EIF2S3B: variants seen among roughly 807,000 people sequenced by gnomAD.
EIF2S3B encodes the protein eukaryotic translation initiation factor 2 subunit gamma B, also known as eukaryotic translation initiation factor 2 subunit 3B.
EIF2S3B carries 16 observed loss-of-function variants against 26.4 expected under a neutral mutation model. That is an observed-to-expected ratio of 0.61 (90% CI 0.41 to 0.92). The LOEUF is 0.92. Ranked by LOEUF, EIF2S3B falls within the 40% of genes least tolerant of loss-of-function variation. The pLI, the probability that EIF2S3B is intolerant of heterozygous loss-of-function variation, is 0.00. For missense variants in EIF2S3B, 510 were observed against 575.5 expected (o/e 0.89, Z 1.16); for synonymous variants, 183 against 204.4 (o/e 0.90, Z 0.89).
chr12:10,518,899 A>T (rs1475460607), intron 1 of EIF2S3B, among the ~76,000 whole-genome samples: 2 of 152,242 alleles, frequency 1.3e-5, no homozygotes, highest in Admixed American at 6.5e-5. Context: ...GCTCATGGGT[A>T]GGAAGAATCA....
intron 1 of EIF2S3B, among the ~76,000 whole-genome samples, chr12:10,514,203 A>T (rs1342795021): frequency 6.6e-6 from 1 of 151,702 alleles, no homozygotes; most frequent in Admixed American, 6.6e-5. Flanking sequence ...TCTCCCAGAT[A>T]CTCTACTATA....
In EIF2S3B at chr12:10,514,646, T is replaced by C. The variant is rs529109812; in HGVS notation, c.1308+7436T>C. ...TGTTCTTCTTGTGTTTTCTATAACA[T>C]TTAATAGAATTATATCCATCAAGGT... On this transcript the variant is annotated intron_variant, in intron 1 of 1. Transcript: ENST00000322446. Among the ~76,000 whole-genome samples the C allele has an allele frequency of 7.9e-5, 12 of 152,324 alleles. No homozygotes were observed. In the South Asian group the frequency reaches 2.5e-3, roughly 32 times the overall value.
In EIF2S3B at chr12:10,506,260, A is replaced by G. The variant is rs1379075146; in HGVS notation, c.358A>G (p.Thr120Ala). The G allele has an allele frequency of 1.9e-6, 3 of 1,613,044 alleles. No individual in the cohort carries two copies. The East Asian group carries it at 6.7e-5, about 36-fold the overall frequency. Residue 120 changes from threonine (T) to alanine (A), a missense_variant, in exon 1 of 1, where the codon ACC (threonine) becomes GCC (alanine). By Grantham distance (58) the Thr-to-Ala change is moderately conservative. Coordinates refer to ENST00000538173, the MANE Select transcript of EIF2S3B (RefSeq NM_001357734.3). ...TGAGTTTCCTACAGACATTCCAGGA[A>G]CCAAAGGGAACTTCAGATTAGTCAG... is the stretch of plus-strand genomic sequence containing the variant. ...PDEFPTDIPG[T>A]KGNFRLVRHV...
chr12:10,522,304 C>T (rs1359194304), intron 1 of EIF2S3B, among the ~76,000 whole-genome samples: 2 of 152,166 alleles, frequency 1.3e-5, no homozygotes, highest in South Asian at 2.1e-4. Flanking sequence ...CAGTGCACTC[C>T]AGCATTAGTG....
chr12:10,517,788 T>C (rs1258930579), intron 1 of EIF2S3B, among the ~76,000 whole-genome samples: 1 of 152,144 alleles, frequency 6.6e-6, no homozygotes, highest in African/African-American at 2.4e-5. Flanking sequence ...TTGAATGTGT[T>C]CCAGAGATTC....
intron 1 of EIF2S3B, among the ~76,000 whole-genome samples, chr12:10,521,684 A>C (rs750275293): frequency 6.6e-6 from 1 of 152,196 alleles, no homozygotes; most frequent in South Asian, 2.1e-4. Flanking sequence ...GGGTGTAAGG[A>C]AAGAGATGAA....
chr12:10,518,096 G>C (rs376158565), intron 1 of EIF2S3B, among the ~76,000 whole-genome samples: 1 of 152,016 alleles, frequency 6.6e-6, no homozygotes, highest in Non-Finnish European at 1.5e-5. Context: ...TGTTGATTTG[G>C]GGTGGAGAGT....
chr12:10,521,460 T>C (rs2137958290), intron 1 of EIF2S3B, among the ~76,000 whole-genome samples: 1 of 152,202 alleles, frequency 6.6e-6, no homozygotes, highest in African/African-American at 2.4e-5. Context: ...CAAGGTCAAA[T>C]AGCTAGTGAT....
At chr12:10,522,349 A>G (rs1864841256) in intron 1 of EIF2S3B, among the ~76,000 whole-genome samples, 1 of 152,194 alleles carries the variant, frequency 6.6e-6, no homozygotes, top group Admixed American at 6.6e-5. Context: ...AAATATTTAA[A>G]TAAATAAAAA....
downstream of EIF2S3B, among the ~76,000 whole-genome samples, chr12:10,510,926 TACAC>T (rs1278261918): frequency 6.6e-6 from 1 of 152,148 alleles, no homozygotes; most frequent in Admixed American, 6.6e-5. Flanking sequence ...AAAATTTACT[TACAC>T]AAGGAAGTAA....
chr12:10,507,737 T>C lies in EIF2S3B; in HGVS notation c.*416T>C, dbSNP rs1309410195. Reference sequence around the variant, plus strand: ...CCCCCCAAGTAGCTGAGATTACAGGTGTGTGCCACCACACGGGGCTAATTT... The same window carrying C: ...CCCCCCAAGTAGCTGAGATTACAGGCGTGTGCCACCACACGGGGCTAATTT... On this transcript the variant is annotated 3_prime_UTR_variant, in exon 1 of 1. Transcript: ENST00000538173. Among the ~76,000 whole-genome samples the C allele has an allele frequency of 6.6e-6, 1 of 152,050 alleles. No individual in the cohort carries two copies. Among genetic ancestry groups the C allele is most frequent in the Non-Finnish European group, 1.5e-5 (1 of 67,998 alleles).
Position 10,505,891 on chromosome 12 carries a change from T to C in EIF2S3B, c.-12T>C. ...GCGGCAGCCGGGGTGACTTTCTTCC[T>C]CTTTTGGCAACATGGCGGGCGGAGA... On this transcript the variant is annotated 5_prime_UTR_variant, in exon 1 of 1. Coordinates refer to ENST00000538173, the MANE Select transcript of EIF2S3B (RefSeq NM_001357734.3). The C allele has an allele frequency of 6.3e-7, 1 of 1,591,680 alleles. No homozygotes were observed. The highest frequency in any genetic ancestry group is 8.6e-7 in the Non-Finnish European group (1 of 1,159,528).
At chr12:10,522,489 C>T in intron 1 of EIF2S3B, 1 of 531,444 alleles carries the variant, frequency 1.9e-6, no homozygotes, top group East Asian at 2.9e-5. Flanking sequence ...ATTAATGGAG[C>T]TGGGAGAATT....
downstream of EIF2S3B, among the ~76,000 whole-genome samples, chr12:10,512,109 A>C (rs561647154): frequency 3.5e-4 from 54 of 152,348 alleles, no homozygotes; most frequent in African/African-American, 1.1e-3. Context: ...GACAAATGAA[A>C]GACATCTGGT....
At position 10,506,334 on chromosome 12, in the gene EIF2S3B, T is replaced by C. The variant is rs748238871; in HGVS notation, c.432T>C (p.Thr144=). 6.2e-7 allele frequency: 1 copy of C among 1,614,188 alleles called. No homozygotes were observed. The highest frequency in any genetic ancestry group is 8.5e-7 in the Non-Finnish European group (1 of 1,180,022). The part of the protein sequence containing the change: ...DCPGHDILMA[T]MLNGAAVMDA... ...CTGGCCACGATATTTTGATGGCTACTATGCTGAACGGTGCAGCAGTGATGG... is the reference window on the plus strand; with the variant it reads ...CTGGCCACGATATTTTGATGGCTACCATGCTGAACGGTGCAGCAGTGATGG... Residue 144 remains threonine (T), a synonymous_variant, in exon 1 of 1, where the codon ACT becomes ACC. Coordinates refer to ENST00000538173, the MANE Select transcript of EIF2S3B (RefSeq NM_001357734.3).
chr12:10,509,387 T>C (rs1864684049), downstream of EIF2S3B, among the ~76,000 whole-genome samples: 1 of 152,100 alleles, frequency 6.6e-6, no homozygotes, highest in East Asian at 1.9e-4. Context: ...TGAAAAATCA[T>C]CAATTTTTAC....
intron 1 of EIF2S3B, among the ~76,000 whole-genome samples, chr12:10,516,566 T>C (rs1864759876): frequency 6.6e-6 from 1 of 152,088 alleles, no homozygotes; most frequent in Admixed American, 6.6e-5. Flanking sequence ...ACAGGGACAA[T>C]TTGACTTCCT....
At chr12:10,518,654 A>G (rs1288277365) in intron 1 of EIF2S3B, among the ~76,000 whole-genome samples, 2 of 152,154 alleles carry the variant, frequency 1.3e-5, no homozygotes, top group Non-Finnish European at 2.9e-5. Context: ...AAGCAACTTC[A>G]GCAAAGTCTC....
rs150131295 is a variant in EIF2S3B, at chr12:10,507,567, A to G, written c.*246A>G. 6.8e-6 allele frequency: 4 copies of G among 587,392 alleles called. No homozygotes were observed. Among genetic ancestry groups the G allele is most frequent in the African/African-American group, 3.7e-5 (2 of 53,664 alleles). The allele number at this position is 587,392 out of a possible 1,614,324, so 36.4% of individuals were successfully genotyped here. On this transcript the variant is annotated 3_prime_UTR_variant, in exon 1 of 1. Transcript: ENST00000538173. Reference sequence around the variant, plus strand: ...TTTGGCAGAAGTTAAGCATTCCCACATAATGTCAAAATTATACATTATGCA... The same window carrying G: ...TTTGGCAGAAGTTAAGCATTCCCACGTAATGTCAAAATTATACATTATGCA...
Sources: allele counts gnomAD v4.1 joint callset (sites outside exome capture counted in the v4.1 genomes callset), GRCh38; gene constraint gnomAD v4.1.1; transcripts MANE v1.5; gene names NCBI Gene and HGNC (gene_info 2026-07-23, HGNC 2026-07-21).